The following PTBP3 variants were observed in gnomAD, a reference collection of about 807,000 sequenced individuals.
PTBP3 encodes the protein polypyrimidine tract-binding protein 3.
PTBP3 carries 20 observed loss-of-function variants against 58.7 expected under a neutral mutation model. That is an observed-to-expected ratio of 0.34 (90% CI 0.24 to 0.50). The LOEUF is 0.50. Among genes scored for constraint, PTBP3 ranks in the 20% least tolerant of loss-of-function variants. The pLI, the probability that PTBP3 is intolerant of heterozygous loss-of-function variation, is 0.98. For missense variants in PTBP3, 509 were observed against 637.2 expected (o/e 0.80, Z 2.17); for synonymous variants, 185 against 219.8 (o/e 0.84, Z 1.40).
upstream of PTBP3, among the ~76,000 whole-genome samples, chr9:112,337,023 TTTTGTTTG>T (rs529026252): frequency 6.6e-6 from 1 of 152,052 alleles, no homozygotes; most frequent in Non-Finnish European, 1.5e-5. Flanking sequence ...TCAAAGAACT[TTTTGTTTG>T]TTTGTTTGTT....
chr9:112,228,553 G>T, intron 10 of PTBP3, 81 bp from the exon 11 acceptor site: 3 of 758,990 alleles, frequency 4.0e-6, no homozygotes, highest in Non-Finnish European at 3.8e-6. Context: ...ACTTAAAGAA[G>T]GCATTTCTTA....
intron 7 of PTBP3, among the ~76,000 whole-genome samples, chr9:112,236,521 C>G (rs552598939): frequency 3.2e-4 from 48 of 152,206 alleles, no homozygotes; most frequent in African/African-American, 9.9e-4. Flanking sequence ...TAGACACAAG[C>G]AATTATGAAC....
At chr9:112,322,882 T>A (rs1359910948) in intron 1 of PTBP3, among the ~76,000 whole-genome samples, 4 of 152,232 alleles carry the variant, frequency 2.6e-5, no homozygotes, top group African/African-American at 9.6e-5. Flanking sequence ...CACGGACATG[T>A]CCAGGTGAAC....
At chr9:112,248,660 T>A (rs997542578) in intron 7 of PTBP3, among the ~76,000 whole-genome samples, 6 of 152,186 alleles carry the variant, frequency 3.9e-5, no homozygotes, top group African/African-American at 1.4e-4. Flanking sequence ...AGGAGATGGC[T>A]TAAAAAAATT....
the PTBP3 span, among the ~76,000 whole-genome samples, chr9:112,361,016 T>C: frequency 6.6e-6 from 1 of 152,208 alleles, no homozygotes; most frequent in East Asian, 1.9e-4. Context: ...TTCAATTTGA[T>C]CAGGCATTTT....
At chr9:112,335,470 G>A (rs1389385547), upstream of PTBP3, among the ~76,000 whole-genome samples, 2 of 151,704 alleles carry the variant, frequency 1.3e-5, no homozygotes, top group African/African-American at 2.4e-5. Flanking sequence ...GTTTTTAGTA[G>A]AGACAGGGTT....
Position 112,286,886 on chromosome 9 carries a change from A to C in PTBP3, c.35-10873T>G, listed in dbSNP as rs111711673. On this transcript the variant is annotated intron_variant, in intron 2 of 13. Coordinates refer to ENST00000374257, the MANE Select transcript of PTBP3 (RefSeq NM_001163788.4). ...AACTTCATTTTTAAATTCCATATAG[A>C]ATTCCAGTTTGATTTTTTTTTCCAG... 3.1e-3 allele frequency among the ~76,000 whole-genome samples: 475 copies of C among 152,242 alleles called. 12 individuals carry two copies. The highest frequency in any genetic ancestry group is 2.0e-3 in the Non-Finnish European group (136 of 68,006).
chr9:112,358,740 C>T, the PTBP3 span, among the ~76,000 whole-genome samples: 1 of 152,146 alleles, frequency 6.6e-6, no homozygotes, highest in South Asian at 2.1e-4. Context: ...GCCTGAACAT[C>T]ATAGCAAGAC....
intron 1 of PTBP3, among the ~76,000 whole-genome samples, chr9:112,301,582 G>A (rs930143358): frequency 6.6e-6 from 1 of 152,184 alleles, no homozygotes; most frequent in African/African-American, 2.4e-5. Flanking sequence ...CAGATTAGTG[G>A]TTGCCAGGAG....
rs34426952 is a variant in PTBP3 at position 112,287,334 on chromosome 9, G to GTTTTTTTTTTTTTTTTTTTTTTTTTTTT, written c.34+10497_34+10498insAAAAAAAAAAAAAAAAAAAAAAAAAAAA. ...TAAGGCTCTGTTCACTTCTTTTTCA[G>GTTTTTTTTTTTTTTTTTTTTTTTTTTTT]TTTTTTGTTTTTTTTTTTTTTTTGA... On this transcript the variant is annotated intron_variant, in intron 2 of 13. Transcript: ENST00000374257. Among the ~76,000 whole-genome samples the GTTTTTTTTTTTTTTTTTTTTTTTTTTTT allele has an allele frequency of 3.1e-5, 3 of 96,080 alleles. 1 individual carries two copies. Among genetic ancestry groups the GTTTTTTTTTTTTTTTTTTTTTTTTTTTT allele is most frequent in the African/African-American group, 8.6e-5 (2 of 23,152 alleles). 63.0% of individuals were successfully genotyped at this position (96,080 alleles called of 152,430 possible). A position where few individuals can be genotyped will look rare whatever the true frequency, so the allele number is the denominator to read the frequency against.
chr9:112,375,754 C>G, the PTBP3 span, among the ~76,000 whole-genome samples: 1 of 152,114 alleles, frequency 6.6e-6, no homozygotes. Flanking sequence ...TGTGCACGAC[C>G]CACTTTATGG....
chr9:112,348,022 G>A, the PTBP3 span, among the ~76,000 whole-genome samples: 1 of 152,162 alleles, frequency 6.6e-6, no homozygotes, highest in Non-Finnish European at 1.5e-5. Flanking sequence ...CTCAGAATAG[G>A]GTTTCTCAAC....
At position 112,297,848 on chromosome 9, in the gene PTBP3, A is replaced by C. The variant is rs775927248; in HGVS notation, c.18T>G (p.Pro6=). The part of the protein sequence containing the change: MNSST[P]STGVYANGND... ...AAAACTCACCATACACACCTGTAGA[A>C]GGAGTAGAACTATTCATGGTAAAAG... Residue 6 remains proline, a synonymous_variant, in exon 2 of 14, where the codon CCT becomes CCG. Transcript: ENST00000374257. 38 of 1,604,022 alleles carry C rather than the reference A, an allele frequency of 2.4e-5. No homozygotes were observed. The highest frequency in any genetic ancestry group is 3.2e-5 in the Non-Finnish European group (38 of 1,176,046).
rs1339062531 is a variant in PTBP3, at chr9:112,221,224, T to C, written c.*2627A>G. 10 of 985,008 alleles carry C rather than the reference T, an allele frequency of 1.0e-5. No homozygotes were observed. Among genetic ancestry groups the C allele is most frequent in the Non-Finnish European group, 1.2e-5 (10 of 829,176 alleles). The allele number at this position is 985,008 out of a possible 1,614,324, so 61.0% of individuals were successfully genotyped here. A position where few individuals can be genotyped will look rare whatever the true frequency, so the allele number is the denominator to read the frequency against. ...AAAATGTATGTAATGTGCATATGTATATACAACTTTAGAAGAGTGTATTTA... is the reference window on the plus strand; with the variant it reads ...AAAATGTATGTAATGTGCATATGTACATACAACTTTAGAAGAGTGTATTTA... On this transcript the variant is annotated 3_prime_UTR_variant, in exon 14 of 14. Transcript: ENST00000374257.
chr9:112,277,944 A>AAC lies in PTBP3; in HGVS notation c.35-1932_35-1931insGT, dbSNP rs1564427633. Reference sequence around the variant, plus strand: ...AACATAACATAACATAACATAACATAATATAACATAACATAACATAACATA... The same window carrying AAC: ...AACATAACATAACATAACATAACATAACATATAACATAACATAACATAACATA... On this transcript the variant is annotated intron_variant, in intron 2 of 13. Coordinates refer to ENST00000374257, the MANE Select transcript of PTBP3 (RefSeq NM_001163788.4). 7.0e-3 allele frequency among the ~76,000 whole-genome samples: 576 copies of AAC among 82,204 alleles called. 1 individual carries two copies. The highest frequency in any genetic ancestry group is 0.031 in the East Asian group (58 of 1,880). 53.9% of individuals were successfully genotyped at this position (82,204 alleles called of 152,430 possible).
At chr9:112,267,971 T>C in intron 4 of PTBP3, 78 bp downstream of exon 4, 1 of 1,314,278 alleles carries the variant, frequency 7.6e-7, no homozygotes, top group Non-Finnish European at 1.0e-6. Flanking sequence ...GCACATAATT[T>C]TTCTTCATCT....
intron 7 of PTBP3, among the ~76,000 whole-genome samples, chr9:112,235,999 G>A (rs901828447): frequency 6.6e-6 from 1 of 152,158 alleles, no homozygotes; most frequent in Non-Finnish European, 1.5e-5. Context: ...CAGTATTACA[G>A]AAGTAGTGAG....
In PTBP3 at chr9:112,302,582, C is replaced by CTTTTTTTTT. The variant is rs369208342; in HGVS notation, c.-51-4675_-51-4667dup. ...CCCAAAAGCTGACTATATTCTTCAT[C>CTTTTTTTTT]TTTTTTTTTTTTTTTTTTTTTTTGG... On this transcript the variant is annotated intron_variant, in intron 1 of 13. Coordinates refer to ENST00000374257, the MANE Select transcript of PTBP3 (RefSeq NM_001163788.4). Among the ~76,000 whole-genome samples, 302 of 110,436 alleles carry CTTTTTTTTT rather than the reference C, an allele frequency of 2.7e-3. 15 individuals are homozygous for CTTTTTTTTT. Among genetic ancestry groups the CTTTTTTTTT allele is most frequent in the Middle Eastern group, 4.9e-3 (1 of 204 alleles). 72.5% of individuals were successfully genotyped at this position (110,436 alleles called of 152,430 possible).
chr9:112,344,910 A>G, the PTBP3 span, among the ~76,000 whole-genome samples: 1 of 152,074 alleles, frequency 6.6e-6, no homozygotes, highest in Non-Finnish European at 1.5e-5. Context: ...AGGCGGGTGG[A>G]TCACCTGAGG....
Sources: gnomAD v4.1 joint callset for allele counts (sites outside exome capture counted in the v4.1 genomes callset) on GRCh38, gnomAD v4.1.1 for gene constraint, MANE v1.5 for transcripts, NCBI Gene and HGNC (gene_info 2026-07-23, HGNC 2026-07-21) for gene names.